The following LRRC8C variants were observed in gnomAD, a reference collection of about 807,000 sequenced individuals.
LRRC8C encodes the protein volume-regulated anion channel subunit LRRC8C.
LRRC8C carries 20 observed loss-of-function variants against 55.3 expected under a neutral mutation model. The ratio of observed to expected loss-of-function variants is 0.36; its 90% CI spans 0.25 to 0.53. The LOEUF (loss-of-function observed/expected upper bound fraction) is 0.53. Among genes scored for constraint, LRRC8C ranks in the 20% least tolerant of loss-of-function variants. LRRC8C has a pLI of 0.92. For synonymous variants in LRRC8C, 376 were observed against 360.7 expected (o/e 1.04, Z -0.48); for missense variants, 659 against 951.4 (o/e 0.69, Z 4.04).
At chr1:89,693,690 C>T (rs1658089090) in intron 2 of LRRC8C, among the ~76,000 whole-genome samples, 1 of 112,244 alleles carries the variant, frequency 8.9e-6, no homozygotes, top group Non-Finnish European at 1.7e-5. Flanking sequence ...CAGAGTCTCA[C>T]TCTGTCACCC....
At chr1:89,639,291 T>C (rs542117112) in intron 1 of LRRC8C, among the ~76,000 whole-genome samples, 38 of 152,288 alleles carry the variant, frequency 2.5e-4, no homozygotes, top group Non-Finnish European at 2.6e-4. Flanking sequence ...GGCCTACTTA[T>C]TTATAATTAT....
chr1:89,652,699 G>A lies in LRRC8C; in HGVS notation c.-5+19377G>A, dbSNP rs150909202. Among the ~76,000 whole-genome samples the A allele has an allele frequency of 8.8e-3, 1,345 of 152,254 alleles. 7 individuals are homozygous for A. Among genetic ancestry groups the A allele is most frequent in the Middle Eastern group, 0.02 (6 of 294 alleles). On this transcript the variant is annotated intron_variant, in intron 1 of 2. Coordinates refer to ENST00000370454, the MANE Select transcript of LRRC8C (RefSeq NM_032270.5). ...CACCAGATCCACTGGCTTTCTAGGG[G>A]ATTAAAAAGAAAGCCACTGTCCCAG...
At chr1:89,659,076 T>G (rs1433469209) in intron 1 of LRRC8C, among the ~76,000 whole-genome samples, 2 of 138,006 alleles carry the variant, frequency 1.4e-5, no homozygotes, top group African/African-American at 2.8e-5. Context: ...TGTGTGTGTG[T>G]GTGTGTGTGT....
chr1:89,685,366 C>T (rs1010492706), intron 1 of LRRC8C, among the ~76,000 whole-genome samples: 9 of 151,404 alleles, frequency 5.9e-5, no homozygotes, highest in African/African-American at 1.2e-4. Flanking sequence ...CCACCCGCCT[C>T]GGCCTCCCAA....
At chr1:89,630,348 TAG>T (rs1381803542), upstream of LRRC8C, among the ~76,000 whole-genome samples, 2 of 152,322 alleles carry the variant, frequency 1.3e-5, no homozygotes, top group South Asian at 2.1e-4. Flanking sequence ...AGTTCATAGC[TAG>T]AGATACAAGA....
chr1:89,655,795 CCTTA>C (rs1656926879), intron 1 of LRRC8C, among the ~76,000 whole-genome samples: 1 of 152,142 alleles, frequency 6.6e-6, no homozygotes, highest in Non-Finnish European at 1.5e-5. Flanking sequence ...AACATGTATC[CCTTA>C]CTTGTCTGTT....
intron 1 of LRRC8C, among the ~76,000 whole-genome samples, chr1:89,635,819 T>G (rs1432269303): frequency 6.6e-6 from 1 of 152,232 alleles, no homozygotes; most frequent in Non-Finnish European, 1.5e-5. Flanking sequence ...CCATCAGCTA[T>G]TATCACTGAC....
Position 89,718,091 on chromosome 1 carries a change from G to A in LRRC8C, c.*3109G>A, listed in dbSNP as rs1203126958. The A allele has an allele frequency of 3.9e-5, 6 of 152,158 alleles. No homozygotes were observed. Among genetic ancestry groups the A allele is most frequent in the Non-Finnish European group, 8.8e-5 (6 of 68,010 alleles). The allele number at this position is 152,158 out of a possible 1,614,324, so 9.4% of individuals were successfully genotyped here. ...AAATTATTGCATTTTCTCATTATGT[G>A]TTGGGTTTGATTTGCTTTTGTTTTT... On this transcript the variant is annotated 3_prime_UTR_variant, in exon 3 of 3. Coordinates refer to ENST00000370454, the MANE Select transcript of LRRC8C (RefSeq NM_032270.5).
intron 2 of LRRC8C, among the ~76,000 whole-genome samples, chr1:89,706,582 C>T (rs755376225): frequency 6.6e-6 from 1 of 152,132 alleles, no homozygotes; most frequent in Non-Finnish European, 1.5e-5. Flanking sequence ...CCGAATTTCA[C>T]GTTGACCATT....
intron 1 of LRRC8C, among the ~76,000 whole-genome samples, chr1:89,639,030 G>A (rs185631748): frequency 3.1e-3 from 357 of 116,672 alleles, no homozygotes; most frequent in Non-Finnish European, 5.2e-3. Flanking sequence ...TCTGTCTCCA[G>A]GCTGGAGTGC....
intron 2 of LRRC8C, among the ~76,000 whole-genome samples, chr1:89,687,814 G>A (rs529815900): frequency 3.5e-4 from 53 of 152,340 alleles, no homozygotes; most frequent in Non-Finnish European, 7.4e-4. Context: ...TGGGGTAGAT[G>A]TGATTTTTCG....
chr1:89,653,579 G>A (rs1310672710), intron 1 of LRRC8C, among the ~76,000 whole-genome samples: 3 of 152,310 alleles, frequency 2.0e-5, no homozygotes, highest in East Asian at 1.9e-4. Flanking sequence ...AGACAAGGAT[G>A]GAACCTATTA....
intron 2 of LRRC8C, among the ~76,000 whole-genome samples, chr1:89,699,101 T>C (rs1658249949): frequency 6.6e-6 from 1 of 152,204 alleles, no homozygotes; most frequent in South Asian, 2.1e-4. Flanking sequence ...GAACATTAAA[T>C]GTACATTGCT....
the LRRC8C span, among the ~76,000 whole-genome samples, chr1:89,618,389 C>T: frequency 1.3e-5 from 2 of 152,170 alleles, no homozygotes; most frequent in Admixed American, 1.3e-4. Flanking sequence ...AAGTTTTTCC[C>T]TTTGGACAGT....
chr1:89,640,378 TA>T (rs1656420891), intron 1 of LRRC8C, among the ~76,000 whole-genome samples: 1 of 152,244 alleles, frequency 6.6e-6, no homozygotes, highest in Admixed American at 6.5e-5. Context: ...TTATGTATTT[TA>T]AGAACTTATC....
chr1:89,670,864 A>G (rs1158454323), intron 1 of LRRC8C, among the ~76,000 whole-genome samples: 2 of 152,156 alleles, frequency 1.3e-5, no homozygotes, highest in Non-Finnish European at 1.5e-5. Flanking sequence ...TGTCTCTGGC[A>G]TGTCTCTTGG....
Position 89,714,088 on chromosome 1 carries a change from C to A in LRRC8C, c.1518C>A (p.Leu506=). Residue 506 remains leucine (L), a synonymous_variant, in exon 3 of 3, where the codon CTC becomes CTA. Coordinates refer to ENST00000370454, the MANE Select transcript of LRRC8C (RefSeq NM_032270.5). The surrounding 1 kb of genome is among the most constrained non-coding windows in gnomAD (Gnocchi z 4.6). ...LSVKFDDMRE[L]PPWMYGLRNL... ...TCAAGTTTGATGACATGAGGGAACT[C>A]CCCCCCTGGATGTATGGGCTCCGAA... 4.3e-6 allele frequency: 7 copies of A among 1,613,532 alleles called. No homozygotes were observed. Among genetic ancestry groups the A allele is most frequent in the Non-Finnish European group, 5.9e-6 (7 of 1,179,762 alleles).
Position 89,706,034 on chromosome 1 carries a change from G to A in LRRC8C, c.139-6675G>A, listed in dbSNP as rs759216344. ...CTAGGGTTGTTTTTCCTGTATCTAC[G>A]TAATCTGATGATAAAGTTTATCGTG... On this transcript the variant is annotated intron_variant, in intron 2 of 2. Transcript: ENST00000370454. Among the ~76,000 whole-genome samples the A allele has an allele frequency of 2.3e-4, 35 of 151,988 alleles. 1 individual carries two copies. The highest frequency in any genetic ancestry group is 6.1e-4 in the African/African-American group (25 of 41,320).
chr1:89,646,727 A>T (rs1441264984), intron 1 of LRRC8C, among the ~76,000 whole-genome samples: 1 of 152,106 alleles, frequency 6.6e-6, no homozygotes, highest in Non-Finnish European at 1.5e-5. Context: ...CATCACTTCC[A>T]TTCAGCATTA....
Sources: gnomAD v4.1 joint callset for allele counts (sites outside exome capture counted in the v4.1 genomes callset) on GRCh38, gnomAD v4.1.1 for gene constraint, Gnocchi (gnomAD v3.1) non-coding constraint, MANE v1.5 for transcripts, NCBI Gene and HGNC (gene_info 2026-07-23, HGNC 2026-07-21) for gene names.